Variants in COQ5 observed in about 807,000 individuals in gnomAD.
COQ5 encodes the protein coenzyme Q5, methyltransferase.
Under a neutral mutation model 40.5 loss-of-function variants are expected in COQ5, and 27 were observed. That is an observed-to-expected ratio of 0.67 (90% confidence interval 0.49 to 0.92). COQ5 has a LOEUF of 0.92. Ranked by LOEUF, COQ5 falls within the 40% of genes least tolerant of loss-of-function variation. The pLI, the probability that COQ5 is intolerant of heterozygous loss-of-function variation, is 0.00. For missense variants in COQ5, 409 were observed against 406.4 expected (o/e 1.01, Z -0.06); for synonymous variants, 141 against 150.0 (o/e 0.94, Z 0.44).
chr12:120,516,726 G>A lies in COQ5; in HGVS notation c.415C>T (p.Gln139Ter). 6.2e-7 allele frequency: 1 copy of A among 1,614,138 alleles called. No individual in the cohort carries two copies. The highest frequency in any genetic ancestry group is 8.5e-7 in the Non-Finnish European group (1 of 1,180,014). ...GATAAATTTTGTTGGGCCCTTAACTGCCTCTTCTGTTTTCTCTGATGCTGG... is the reference window on the plus strand; with the variant it reads ...GATAAATTTTGTTGGGCCCTTAACTACCTCTTCTGTTTTCTCTGATGCTGG... Reference protein sequence around the residue: ...QSQHQRKQKRQLRAQQNLSWE... With the variant: ...QSQHQRKQKR The change falls in exon 3 of 7, where the codon CAG becomes TAG. Residue 139 changes from glutamine (Q) to a stop codon, truncating the protein, a stop_gained. Transcript: ENST00000288532. LOFTEE classifies it high-confidence loss of function.
intron 2 of COQ5, among the ~76,000 whole-genome samples, chr12:120,517,466 C>A (rs550490576): frequency 6.7e-6 from 1 of 148,184 alleles, no homozygotes; most frequent in South Asian, 2.1e-4. Flanking sequence ...GTCAGGAGAT[C>A]GAGACCATCT....
intron 1 of COQ5, chr12:120,527,259 T>C (rs938076939): frequency 6.6e-6 from 1 of 151,972 alleles, no homozygotes; most frequent in Non-Finnish European, 1.5e-5. Flanking sequence ...ATTTTTTTTG[T>C]ATTTTTAGTA....
intron 4 of COQ5, among the ~76,000 whole-genome samples, chr12:120,508,400 A>AG (rs1477228753): frequency 6.6e-6 from 1 of 152,156 alleles, no homozygotes; most frequent in African/African-American, 2.4e-5. Flanking sequence ...ACAAAAAAAA[A>AG]GGAAAAAGAA....
chr12:120,520,367 C>G (rs761925098), intron 2 of COQ5, among the ~76,000 whole-genome samples: 3 of 151,572 alleles, frequency 2.0e-5, no homozygotes, highest in Non-Finnish European at 4.4e-5. Context: ...GCTCTGTTGC[C>G]CAGGCTGGAG....
At chr12:120,518,144 C>T (rs556839419) in intron 2 of COQ5, among the ~76,000 whole-genome samples, 81 of 152,226 alleles carry the variant, frequency 5.3e-4, no homozygotes, top group Middle Eastern at 3.4e-3. Flanking sequence ...TCCGGCTGGG[C>T]TCGGTGGCTC....
intron 1 of COQ5, chr12:120,526,542 G>T: frequency 4.5e-6 from 2 of 449,056 alleles, no homozygotes; most frequent in Admixed American, 4.9e-5. Context: ...CACATTAAAG[G>T]AGTTCTTGGA....
intron 2 of COQ5, among the ~76,000 whole-genome samples, chr12:120,518,475 A>T (rs1869491508): frequency 6.7e-6 from 1 of 150,120 alleles, no homozygotes; most frequent in South Asian, 2.1e-4. Context: ...TTTTTCCTAC[A>T]CTATTTCCAA....
At chr12:120,518,498 T>G (rs1215186417) in intron 2 of COQ5, among the ~76,000 whole-genome samples, 1 of 151,750 alleles carries the variant, frequency 6.6e-6, no homozygotes, top group African/African-American at 2.4e-5. Context: ...AATATATCCT[T>G]GTTTCTCCCA....
chr12:120,513,338 C>T (rs752880215), intron 3 of COQ5, among the ~76,000 whole-genome samples: 12 of 150,410 alleles, frequency 8.0e-5, no homozygotes, highest in Non-Finnish European at 1.5e-4. Flanking sequence ...CCCATCTCTA[C>T]TAAAAATACA....
intron 3 of COQ5, among the ~76,000 whole-genome samples, chr12:120,511,434 TGAGA>T (rs990695871): frequency 6.6e-6 from 1 of 151,956 alleles, no homozygotes; most frequent in African/African-American, 2.4e-5. Flanking sequence ...ACCAACTCTG[TGAGA>T]GAGTTACTAC....
chr12:120,514,480 C>A (rs1869286650), intron 3 of COQ5, among the ~76,000 whole-genome samples: 2 of 152,002 alleles, frequency 1.3e-5, no homozygotes, highest in South Asian at 4.1e-4. Flanking sequence ...GTGGCTCACA[C>A]CTATAATCCC....
chr12:120,504,075 A>G lies in COQ5; in HGVS notation c.777T>C (p.Tyr259=). The G allele has an allele frequency of 1.3e-6, 2 of 1,595,890 alleles. No individual in the cohort carries two copies. Among genetic ancestry groups the G allele is most frequent in the Non-Finnish European group, 1.7e-6 (2 of 1,163,476 alleles). Reference sequence around the variant, plus strand: ...GGATGACCTGGAAGCTATATAGATCATAAAGCCTAGGCAAACAAAAAGGTA... The same window carrying G: ...GGATGACCTGGAAGCTATATAGATCGTAAAGCCTAGGCAAACAAAAAGGTA... ...QVNNPLISRL[Y]DLYSFQVIPV... Residue 259 remains tyrosine (Y), a synonymous_variant, in exon 6 of 7, where the codon TAT becomes TAC. Coordinates refer to ENST00000288532, the MANE Select transcript of COQ5 (RefSeq NM_032314.4).
intron 4 of COQ5, among the ~76,000 whole-genome samples, chr12:120,505,890 T>C (rs953390332): frequency 1.3e-5 from 2 of 150,664 alleles, no homozygotes; most frequent in African/African-American, 4.9e-5. Context: ...AGTTTCGCTC[T>C]TGTTGCCCAG....
chr12:120,510,094 C>G lies in COQ5; in HGVS notation c.604G>C (p.Glu202Gln), dbSNP rs747001213. ...AACTTGTCATCATCAAAGGGCAGTT[C>G]TTCAGCATCTCCTAATACCCATGCA... The part of the protein sequence containing the change: ...GLAWVLGDAE[E>Q]LPFDDDKFDI... The change falls in exon 4 of 7, where the codon GAA (glutamate) becomes CAA (glutamine). Residue 202 changes from glutamate to glutamine, a missense_variant. Coordinates refer to ENST00000288532, the MANE Select transcript of COQ5 (RefSeq NM_032314.4). 1 of 1,613,928 alleles carries G rather than the reference C, an allele frequency of 6.2e-7. No individual in the cohort carries two copies. The highest frequency in any genetic ancestry group is 8.5e-7 in the Non-Finnish European group (1 of 1,179,896).
chr12:120,518,438 A>AC (rs1031767550), intron 2 of COQ5, among the ~76,000 whole-genome samples: 3 of 151,770 alleles, frequency 2.0e-5, no homozygotes, highest in Non-Finnish European at 4.4e-5. Context: ...AAAAAAAAAA[A>AC]AAAAAAAAGC....
At chr12:120,518,579 T>A (rs559824549) in intron 2 of COQ5, among the ~76,000 whole-genome samples, 17 of 151,474 alleles carry the variant, frequency 1.1e-4, no homozygotes, top group Non-Finnish European at 2.1e-4. Flanking sequence ...TTTTTTTTTT[T>A]CCCTGAGACG....
intron 5 of COQ5, among the ~76,000 whole-genome samples, chr12:120,504,408 A>ATT (rs33973905): frequency 0.26 from 28,461 of 110,950 alleles, 4,571 homozygotes; most frequent in Admixed American, 0.36. Flanking sequence ...CCTGATTTAA[A>ATT]TTTTTTTTTT....
chr12:120,527,486 A>C (rs543111701), intron 1 of COQ5: 8 of 152,092 alleles, frequency 5.3e-5, no homozygotes, highest in Non-Finnish European at 1.0e-4. Context: ...AAACAATTCT[A>C]ATTTTTCCCA....
chr12:120,523,161 A>AC (rs1427724599), intron 1 of COQ5: 1 of 256,138 alleles, frequency 3.9e-6, no homozygotes, highest in Non-Finnish European at 7.3e-6. Context: ...ACATGGTGAA[A>AC]CCCCGTCTCT....
Sources: gnomAD v4.1 joint callset for allele counts (sites outside exome capture counted in the v4.1 genomes callset) on GRCh38, gnomAD v4.1.1 for gene constraint, MANE v1.5 for transcripts, NCBI Gene and HGNC (gene_info 2026-07-23, HGNC 2026-07-21) for gene names.